FAAH2: variants seen among roughly 807,000 people sequenced by gnomAD.
FAAH2 encodes the protein fatty acid amide hydrolase 2.
Under a neutral mutation model 36.9 loss-of-function variants are expected in FAAH2, and 60 were observed. The observed-to-expected ratio is 1.63, with a 90% CI of 1.32 to 2.02. FAAH2 has a LOEUF of 2.02. FAAH2 is among the 30% of genes most tolerant of loss of function. The probability of loss-of-function intolerance (pLI) is 0.00; values close to 1 mark genes in which losing one functional copy is unlikely to be tolerated. For synonymous variants in FAAH2, 214 were observed against 143.8 expected, an observed-to-expected ratio of 1.49 and a Z score of -3.49; for missense variants, 689 against 397.5, an observed-to-expected ratio of 1.73 and a Z score of -6.23.
the FAAH2 span, among the ~76,000 whole-genome samples, chrX:57,132,307 C>T: frequency 2.7e-5 from 3 of 111,685 alleles, no homozygotes; most frequent in Non-Finnish European, 5.6e-5. Context: ...TTATCCAGAG[C>T]GGGGAGGCCG....
chrX:57,197,255 T>C, the FAAH2 span, among the ~76,000 whole-genome samples: 1 of 111,761 alleles, frequency 8.9e-6, no homozygotes, highest in Non-Finnish European at 1.9e-5. Flanking sequence ...TTTCTGTAGA[T>C]TGTTTTCATC....
At chrX:57,183,505 T>C in the FAAH2 span, among the ~76,000 whole-genome samples, 1 of 111,828 alleles carries the variant, frequency 8.9e-6, no homozygotes. Context: ...GGATCTCAAA[T>C]GGAGGGACCA....
intron 4 of FAAH2, among the ~76,000 whole-genome samples, chrX:57,338,016 GC>G (rs1569272141): frequency 8.9e-6 from 1 of 111,942 alleles, no homozygotes; most frequent in Non-Finnish European, 1.9e-5. Flanking sequence ...CATCATCTCA[GC>G]CCAAAAGCTT....
intron 3 of FAAH2, among the ~76,000 whole-genome samples, chrX:57,328,780 G>T (rs2053304342): frequency 1.8e-5 from 2 of 111,663 alleles, no homozygotes; most frequent in East Asian, 2.8e-4. Flanking sequence ...TATGGTATAA[G>T]GTAGGTTCAT....
the FAAH2 span, among the ~76,000 whole-genome samples, chrX:57,151,483 C>T: frequency 9.0e-6 from 1 of 111,341 alleles, no homozygotes; most frequent in African/African-American, 3.3e-5. Flanking sequence ...TTTCTCTAAA[C>T]TTCCCTTCTC....
chrX:57,194,896 G>A, the FAAH2 span, among the ~76,000 whole-genome samples: 2 of 111,268 alleles, frequency 1.8e-5, no homozygotes, highest in East Asian at 5.6e-4. Flanking sequence ...CCATCCAGTT[G>A]CTGCAAATGC....
chrX:57,173,085 C>G, the FAAH2 span, among the ~76,000 whole-genome samples: 1 of 111,885 alleles, frequency 8.9e-6, no homozygotes, highest in Non-Finnish European at 1.9e-5. Context: ...AGGGACCACA[C>G]CCTTCTCTAC....
the FAAH2 span, among the ~76,000 whole-genome samples, chrX:57,202,505 T>A: frequency 1.8e-5 from 2 of 111,926 alleles, no homozygotes; most frequent in African/African-American, 3.2e-5. Context: ...TCTCTCTCTG[T>A]TTTAGCCACC....
intron 5 of FAAH2, among the ~76,000 whole-genome samples, chrX:57,346,008 T>A (rs1442506081): frequency 1.3e-4 from 15 of 111,627 alleles, no homozygotes; most frequent in Admixed American, 1.3e-3. Context: ...GATTTAAATT[T>A]TTTTGAATTT....
chrX:57,363,422 A>G (rs772140899), intron 5 of FAAH2, among the ~76,000 whole-genome samples: 3 of 111,913 alleles, frequency 2.7e-5, no homozygotes, highest in Non-Finnish European at 5.6e-5. Flanking sequence ...TTGATTTTGT[A>G]TCCTGAAACT....
the FAAH2 span, among the ~76,000 whole-genome samples, chrX:57,167,451 A>G: frequency 8.9e-6 from 1 of 111,882 alleles, no homozygotes; most frequent in Admixed American, 9.5e-5. Flanking sequence ...CTAAGCTCTA[A>G]TGATACCTGG....
chrX:57,232,177 C>A, the FAAH2 span, among the ~76,000 whole-genome samples: 1 of 111,957 alleles, frequency 8.9e-6, no homozygotes, highest in Non-Finnish European at 1.9e-5. Context: ...GACTGACAGT[C>A]TGAATCACAG....
At chrX:57,148,927 A>G in the FAAH2 span, among the ~76,000 whole-genome samples, 1,410 of 111,715 alleles carry the variant, frequency 0.013, 12 homozygotes, top group African/African-American at 0.043. Flanking sequence ...ATTTTGAGAT[A>G]TGTCCCGTCA....
At chrX:57,122,598 C>G in the FAAH2 span, among the ~76,000 whole-genome samples, 1 of 112,114 alleles carries the variant, frequency 8.9e-6, no homozygotes, top group African/African-American at 3.2e-5. Flanking sequence ...AGGTTGTATA[C>G]TAATGTTGTA....
At chrX:57,447,769 G>T (rs1343883211) in intron 9 of FAAH2, among the ~76,000 whole-genome samples, 1 of 111,224 alleles carries the variant, frequency 9.0e-6, no homozygotes, top group Non-Finnish European at 1.9e-5. Flanking sequence ...TCCTGGGCCT[G>T]GTCCATGAAA....
At chrX:57,230,768 T>A in the FAAH2 span, among the ~76,000 whole-genome samples, 1 of 111,449 alleles carries the variant, frequency 9.0e-6, no homozygotes, top group Non-Finnish European at 1.9e-5. Flanking sequence ...ATAATTCAAA[T>A]TCTCTGTAAG....
the FAAH2 span, among the ~76,000 whole-genome samples, chrX:57,260,197 G>A: frequency 9.0e-6 from 1 of 111,656 alleles, no homozygotes; most frequent in Non-Finnish European, 1.9e-5. Flanking sequence ...TAAAGCCATA[G>A]TAATCAATAC....
At chrX:57,342,506 C>T (rs2053713202) in intron 5 of FAAH2, among the ~76,000 whole-genome samples, 1 of 111,448 alleles carries the variant, frequency 9.0e-6, no homozygotes, top group South Asian at 3.7e-4. Context: ...GCACATGTAC[C>T]CCTAAACTTA....
intron 7 of FAAH2, among the ~76,000 whole-genome samples, chrX:57,408,133 C>A (rs186857303): frequency 9.0e-6 from 1 of 110,780 alleles, no homozygotes; most frequent in African/African-American, 3.3e-5. Context: ...ATTGCTTAGG[C>A]TATTCATGGC....
Sources: gnomAD v4.1 joint callset for allele counts (sites outside exome capture counted in the v4.1 genomes callset) on GRCh38, gnomAD v4.1.1 for gene constraint, MANE v1.5 for transcripts, NCBI Gene and HGNC (gene_info 2026-07-23, HGNC 2026-07-21) for gene names.